DICER1: variants seen among roughly 807,000 people sequenced by gnomAD.
DICER1 encodes the protein dicer 1, ribonuclease III, also known as endoribonuclease Dicer.
A neutral mutation model predicts 194.1 loss-of-function variants in DICER1; 43 were observed. That is an observed-to-expected ratio of 0.22 (90% CI 0.17 to 0.29). The LOEUF is 0.29. Ranked by LOEUF, DICER1 falls within the 10% of genes least tolerant of loss-of-function variation. DICER1 has a pLI of 1.00. For missense variants in DICER1, 1,608 were observed against 2,317.0 expected (o/e 0.69, Z 6.28); for synonymous variants, 832 against 820.5 (o/e 1.01, Z -0.24).
rs73331539 is a variant in DICER1, at chr14:95,129,261, A to G, written c.734+211T>C. ...TGACACATAATCTCTTAAGGCAGAA[A>G]TGCCTGTCTGCTACTCTCTGTGGAA... is the stretch of plus-strand genomic sequence containing the variant. On this transcript the variant is annotated intron_variant, in intron 6 of 26. Transcript: ENST00000343455. The G allele has an allele frequency of 0.013, 6,790 of 529,408 alleles. 399 individuals carry two copies. Among genetic ancestry groups the G allele is most frequent in the African/African-American group, 0.12 (6,161 of 52,846 alleles). 32.8% of individuals were successfully genotyped at this position (529,408 alleles called of 1,614,324 possible).
intron 1 of DICER1, among the ~76,000 whole-genome samples, chr14:95,156,820 C>T (rs1895907938): frequency 6.6e-6 from 1 of 152,158 alleles, no homozygotes; most frequent in African/African-American, 2.4e-5. Context: ...CCCCAGGGTG[C>T]TCCGGCAGGT....
rs189890899 is a variant in DICER1 at position 95,138,511 on chromosome 14, T to C, written c.-45-5008A>G. On this transcript the variant is annotated intron_variant, in intron 1 of 26. Transcript: ENST00000343455. ...ATCAGCTCTCACAAAAAACCATGTG[T>C]AAGAAAATAATACAAACTACTGGAA... Among the ~76,000 whole-genome samples the C allele has an allele frequency of 2.5e-3, 387 of 152,058 alleles. 3 individuals are homozygous for C. The highest frequency in any genetic ancestry group is 9.1e-3 in the African/African-American group (376 of 41,482).
Position 95,105,885 on chromosome 14 carries a change from TCTTGGGCTACCC to T in DICER1, c.2988-114_2988-103del. On this transcript the variant is annotated intron_variant, in intron 18 of 26. Transcript: ENST00000343455. This position sits in a 1 kb window ranked among gnomAD's most constrained non-coding sequence, Gnocchi z 4.9. ...TGAAGAGCTCATTTCAACTACAGCC[TCTTGGGCTACCC>T]CTTGGGCAAGTTTGTGTGCAAAGCA... 7.2e-7 allele frequency: 1 copy of T among 1,380,566 alleles called. No homozygotes were observed. The highest frequency in any genetic ancestry group is 1.0e-6 in the Non-Finnish European group (1 of 968,872). 85.5% of individuals were successfully genotyped at this position (1,380,566 alleles called of 1,614,324 possible).
chr14:95,101,022 AC>A (rs148715895), intron 21 of DICER1, among the ~76,000 whole-genome samples: 3,075 of 152,342 alleles, frequency 0.02, 51 homozygotes, highest in Middle Eastern at 0.051. Context: ...ATAAAGTACA[AC>A]GTGGACTCAT....
At chr14:95,099,257 G>T (rs1890639932) in intron 22 of DICER1, among the ~76,000 whole-genome samples, 1 of 151,942 alleles carries the variant, frequency 6.6e-6, no homozygotes. Flanking sequence ...TAAGTCACTG[G>T]CAAGATTTAA....
chr14:95,108,675 C>A (rs913848682), intron 14 of DICER1, among the ~76,000 whole-genome samples, 172 bp from the exon 15 acceptor site: 1 of 152,214 alleles, frequency 6.6e-6, no homozygotes, highest in Non-Finnish European at 1.5e-5. Flanking sequence ...GGTAAGTCAG[C>A]GGATCTCAGG....
chr14:95,139,663 T>C (rs1894700648), intron 1 of DICER1, among the ~76,000 whole-genome samples: 1 of 152,190 alleles, frequency 6.6e-6, no homozygotes, highest in Non-Finnish European at 1.5e-5. Context: ...TAGAGACTCA[T>C]GAATGTCCAC....
Position 95,104,095 on chromosome 14 carries a change from A to AT in DICER1, c.3300dup (p.Ser1101IlefsTer3), listed in dbSNP as rs886037700. ...GAGATGAAAGATTTGCTGTCAATAG[A>AT]TTTTTTCCACCCGAAGTCTAAGTTA... On this transcript the variant is annotated frameshift_variant, in exon 21 of 27. Coordinates refer to ENST00000343455, the MANE Select transcript of DICER1 (RefSeq NM_177438.3). LOFTEE classifies it high-confidence loss of function. 1.9e-6 allele frequency: 3 copies of AT among 1,613,776 alleles called. No homozygotes were observed. The highest frequency in any genetic ancestry group is 2.5e-6 in the Non-Finnish European group (3 of 1,179,976).
At chr14:95,099,081 GA>G (rs1196117806) in intron 22 of DICER1, among the ~76,000 whole-genome samples, 1 of 152,162 alleles carries the variant, frequency 6.6e-6, no homozygotes, top group Non-Finnish European at 1.5e-5. Context: ...TCCAAGAAAT[GA>G]AACTGTCTGA....
At position 95,090,171 on chromosome 14, in the gene DICER1, CA is replaced by C. The variant is rs35649919; in HGVS notation, c.*326del. On this transcript the variant is annotated 3_prime_UTR_variant, in exon 27 of 27. Transcript: ENST00000343455. Reference sequence around the variant, plus strand: ...ACACTAAGCAAAGCTGACATAAACTCAAAAAAAAAAAAACAAAACCTGTCAA... The same window carrying C: ...ACACTAAGCAAAGCTGACATAAACTCAAAAAAAAAAAACAAAACCTGTCAA... The C allele has an allele frequency of 0.58, 204,777 of 351,278 alleles. 41,913 individuals carry two copies. The highest frequency in any genetic ancestry group is 0.7 in the Admixed American group (14,992 of 21,364). The allele number at this position is 351,278 out of a possible 1,614,324, so 21.8% of individuals were successfully genotyped here.
intron 21 of DICER1, among the ~76,000 whole-genome samples, chr14:95,101,078 T>C (rs1338789121): frequency 6.6e-6 from 1 of 152,072 alleles, no homozygotes; most frequent in Non-Finnish European, 1.5e-5. Context: ...GTGGGCAGGA[T>C]GAAGAAAGAG....
chr14:95,142,520 T>C (rs1431502003), intron 1 of DICER1, among the ~76,000 whole-genome samples: 5 of 152,226 alleles, frequency 3.3e-5, no homozygotes, highest in Admixed American at 6.5e-5. Context: ...AATTACTAAG[T>C]TGATAATCCT....
chr14:95,118,482 A>G (rs1892679805), intron 8 of DICER1, among the ~76,000 whole-genome samples: 1 of 152,176 alleles, frequency 6.6e-6, no homozygotes, highest in African/African-American at 2.4e-5. Flanking sequence ...CCCTGTCATG[A>G]AAGAGGAGAT....
Position 95,094,143 on chromosome 14 carries a change from G to C in DICER1, c.5109C>G (p.Arg1703=), listed in dbSNP as rs964705037. ...AAATCGCATCTCCCAGGAATTCTAAGCGCTGGTAACAATCTGAGGGGATCC... is the reference window on the plus strand; with the variant it reads ...AAATCGCATCTCCCAGGAATTCTAACCGCTGGTAACAATCTGAGGGGATCC... ...HYNTITDCYQ[R]LEFLGDAILD... The change falls in exon 24 of 27, where the codon CGC becomes CGG. Residue 1703 remains arginine, a synonymous_variant. Coordinates refer to ENST00000343455, the MANE Select transcript of DICER1 (RefSeq NM_177438.3). 1.9e-6 allele frequency: 3 copies of C among 1,614,044 alleles called. No individual in the cohort carries two copies. Among genetic ancestry groups the C allele is most frequent in the African/African-American group, 1.3e-5 (1 of 74,932 alleles).
intron 5 of DICER1, 140 bp downstream of exon 5, chr14:95,129,918 T>G: frequency 1.4e-6 from 1 of 738,808 alleles, no homozygotes; most frequent in Non-Finnish European, 2.2e-6. Context: ...GAACATTAAT[T>G]TAATATTCAT....
In DICER1 at chr14:95,087,651, A is replaced by G. The variant is rs1243577158; in HGVS notation, c.*2847T>C. 1 of 233,130 alleles carries G rather than the reference A, an allele frequency of 4.3e-6. No individual in the cohort carries two copies. Among genetic ancestry groups the G allele is most frequent in the Admixed American group, 5.6e-5 (1 of 17,784 alleles). 14.4% of individuals were successfully genotyped at this position (233,130 alleles called of 1,614,324 possible). ...ACAGAAGGGAAAAAGCTATTATAAAACGCAGCATAGTTAGGACTGCGGAAA... is the reference window on the plus strand; with the variant it reads ...ACAGAAGGGAAAAAGCTATTATAAAGCGCAGCATAGTTAGGACTGCGGAAA... On this transcript the variant is annotated 3_prime_UTR_variant, in exon 27 of 27. Coordinates refer to ENST00000343455, the MANE Select transcript of DICER1 (RefSeq NM_177438.3).
intron 1 of DICER1, chr14:95,141,583 G>A (rs1048356250): frequency 1.3e-5 from 2 of 152,118 alleles, no homozygotes; most frequent in Non-Finnish European, 2.9e-5. Context: ...CATTCTCATG[G>A]AGGTTAAAGT....
intron 6 of DICER1, 182 bp downstream of exon 6, chr14:95,129,290 A>C (rs2140257310): frequency 5.1e-6 from 3 of 589,528 alleles, no homozygotes. Flanking sequence ...TGTGGAAACA[A>C]CGTTAGATTC....
At chr14:95,117,777 G>A (rs765911083) in intron 8 of DICER1, 23 bp from the exon 9 acceptor site, 1 of 1,611,000 alleles carries the variant, frequency 6.2e-7, no homozygotes, top group Non-Finnish European at 8.5e-7. Flanking sequence ...TACACATTTG[G>A]AAGTTAAACG....
Sources: gnomAD v4.1 joint callset for allele counts (sites outside exome capture counted in the v4.1 genomes callset) on GRCh38, gnomAD v4.1.1 for gene constraint, Gnocchi (gnomAD v3.1) non-coding constraint, MANE v1.5 for transcripts, NCBI Gene and HGNC (gene_info 2026-07-23, HGNC 2026-07-21) for gene names.